Variants in USP15 observed in about 807,000 individuals in gnomAD.
The protein encoded by USP15 is ubiquitin carboxyl-terminal hydrolase 15.
In USP15, 18 loss-of-function variants were observed where a neutral mutation model predicts 127.1. That is an observed-to-expected ratio of 0.14 (90% CI 0.10 to 0.21). The LOEUF is 0.21. Among genes scored for constraint, USP15 ranks in the 10% least tolerant of loss-of-function variants. The probability of loss-of-function intolerance (pLI) is 1.00; values close to 1 mark genes in which losing one functional copy is unlikely to be tolerated. For missense variants in USP15, 805 were observed against 1,159.9 expected (o/e 0.69, Z 4.44); for synonymous variants, 364 against 393.7 (o/e 0.92, Z 0.89).
chr12:62,371,009 T>TA (rs1025489716), intron 8 of USP15, among the ~76,000 whole-genome samples: 1 of 152,238 alleles, frequency 6.6e-6, no homozygotes, highest in African/African-American at 2.4e-5. Context: ...TTTCAATGCT[T>TA]AAGCATCTTT....
At chr12:62,343,494 C>T (rs2065712099) in intron 6 of USP15, among the ~76,000 whole-genome samples, 1 of 152,192 alleles carries the variant, frequency 6.6e-6, no homozygotes, top group South Asian at 2.1e-4. Context: ...AGTGCCTGCC[C>T]AAACAGCCAC....
Position 62,404,543 on chromosome 12 carries a change from A to G in USP15, c.*168A>G. On this transcript the variant is annotated 3_prime_UTR_variant, in exon 22 of 22. Coordinates refer to ENST00000280377, the MANE Select transcript of USP15 (RefSeq NM_001252078.2). ...TTGTGCAGTACTTGAAGTGAAACAC[A>G]ATGAAAACTTTAACAGAAATTGTCT... 1 of 941,550 alleles carries G rather than the reference A, an allele frequency of 1.1e-6. No individual in the cohort carries two copies. The highest frequency in any genetic ancestry group is 1.4e-6 in the Non-Finnish European group (1 of 702,046). 58.3% of individuals were successfully genotyped at this position (941,550 alleles called of 1,614,324 possible).
intron 6 of USP15, among the ~76,000 whole-genome samples, chr12:62,339,315 A>G (rs1166916889): frequency 6.6e-6 from 1 of 152,168 alleles, no homozygotes. Flanking sequence ...TTTTCTAAAT[A>G]TACAATCATG....
At chr12:62,326,777 A>G (rs2065140460) in intron 6 of USP15, among the ~76,000 whole-genome samples, 2 of 152,204 alleles carry the variant, frequency 1.3e-5, no homozygotes, top group Non-Finnish European at 2.9e-5. Context: ...TAAAAAACTA[A>G]TAACAATTTA....
At chr12:62,327,119 C>T (rs1565857910) in intron 6 of USP15, among the ~76,000 whole-genome samples, 2 of 151,858 alleles carry the variant, frequency 1.3e-5, no homozygotes, top group African/African-American at 4.8e-5. Context: ...CAACAGAATG[C>T]GACTTTCTCC....
rs1407013231 is a variant in USP15 at position 62,299,927 on chromosome 12, C to CT, written c.218-2856dup. Among the ~76,000 whole-genome samples, 4 of 152,020 alleles carry CT rather than the reference C, an allele frequency of 2.6e-5. No individual in the cohort carries two copies. The East Asian group carries it at 7.7e-4, about 29-fold the overall frequency. ...TTTCCCTAGTGATTGATGATAAGTT[C>CT]TTTTTTTGTGTGCTTGTTATATATC... On this transcript the variant is annotated intron_variant, in intron 2 of 21. Transcript: ENST00000280377.
chr12:62,275,402 CAAA>C (rs879612016), intron 1 of USP15, among the ~76,000 whole-genome samples: 1 of 133,840 alleles, frequency 7.5e-6, no homozygotes, highest in Non-Finnish European at 1.6e-5. Context: ...CCCCCCCACC[CAAA>C]AAAAAAAAAG....
At chr12:62,294,448 T>A in intron 2 of USP15, 142 bp downstream of exon 2, 3 of 836,884 alleles carry the variant, frequency 3.6e-6, no homozygotes, top group African/African-American at 1.8e-5. Flanking sequence ...AACTCATTAT[T>A]CTAATAAGTT....
chr12:62,324,107 C>CT (rs1299195204), intron 5 of USP15, among the ~76,000 whole-genome samples: 1 of 151,548 alleles, frequency 6.6e-6, no homozygotes, highest in Non-Finnish European at 1.5e-5. Context: ...TTCTTCTCTC[C>CT]TTTTTGTGTG....
intron 2 of USP15, among the ~76,000 whole-genome samples, chr12:62,298,760 CAG>C (rs1325542257): frequency 7.2e-6 from 1 of 139,342 alleles, no homozygotes; most frequent in African/African-American, 2.7e-5. Context: ...GCCCAGGAGA[CAG>C]AGGTTGTATG....
chr12:62,306,522 T>A (rs142457648), intron 3 of USP15, among the ~76,000 whole-genome samples: 1,570 of 152,258 alleles, frequency 0.01, 35 homozygotes, highest in African/African-American at 0.036. Context: ...GTAGAGTAAG[T>A]TTAGCAACAT....
chr12:62,365,079 G>A (rs1361313293), intron 8 of USP15, among the ~76,000 whole-genome samples: 1 of 152,086 alleles, frequency 6.6e-6, no homozygotes, highest in Non-Finnish European at 1.5e-5. Context: ...ACCCAGTAAT[G>A]GGATTGCTGG....
chr12:62,349,554 A>C (rs1565877703), intron 7 of USP15, among the ~76,000 whole-genome samples: 1 of 152,064 alleles, frequency 6.6e-6, no homozygotes, highest in African/African-American at 2.4e-5. Context: ...AATCATTAAA[A>C]TATATTTAGA....
chr12:62,306,845 C>A (rs928635701), intron 3 of USP15, among the ~76,000 whole-genome samples: 18 of 152,046 alleles, frequency 1.2e-4, no homozygotes, highest in African/African-American at 4.3e-4. Context: ...TAAGTTACCT[C>A]AGAAAAATCA....
At chr12:62,363,701 T>TCTCTCTCC (rs1057456423) in intron 8 of USP15, among the ~76,000 whole-genome samples, 4 of 152,084 alleles carry the variant, frequency 2.6e-5, no homozygotes, top group Non-Finnish European at 4.4e-5. Flanking sequence ...CCCCGTGCTC[T>TCTCTCTCC]CTCTCTCCCT....
intron 6 of USP15, among the ~76,000 whole-genome samples, chr12:62,345,401 A>G (rs767975499): frequency 1.3e-4 from 20 of 152,208 alleles, no homozygotes; most frequent in Non-Finnish European, 1.6e-4. Flanking sequence ...TTTATTGTCT[A>G]TAACAGTGTC....
intron 15 of USP15, 29 bp from the exon 16 acceptor site, chr12:62,391,128 A>G: frequency 6.3e-7 from 1 of 1,586,764 alleles, no homozygotes; most frequent in Non-Finnish European, 8.5e-7. Context: ...CATTGGGTTT[A>G]TTTAAAGCTC....
chr12:62,400,662 G>T (rs1188866598), intron 20 of USP15, among the ~76,000 whole-genome samples: 2 of 148,548 alleles, frequency 1.3e-5, no homozygotes, highest in African/African-American at 4.9e-5. Context: ...TATCAGAAAA[G>T]AAATCGTCAT....
chr12:62,329,539 C>CGG (rs1192059824), intron 6 of USP15, among the ~76,000 whole-genome samples: 12 of 151,964 alleles, frequency 7.9e-5, no homozygotes, highest in African/African-American at 2.4e-4. Flanking sequence ...AGCTTTGGAA[C>CGG]TTTTAAAACC....
Sources: allele counts gnomAD v4.1 joint callset (sites outside exome capture counted in the v4.1 genomes callset), GRCh38; gene constraint gnomAD v4.1.1; transcripts MANE v1.5; gene names NCBI Gene and HGNC (gene_info 2026-07-23, HGNC 2026-07-21).